CCDC149: variants seen among roughly 807,000 people sequenced by gnomAD.
CCDC149 encodes coiled-coil domain-containing protein 149.
Under a neutral mutation model 59.9 loss-of-function variants are expected in CCDC149, and 45 were observed. The observed-to-expected ratio is 0.75, with a 90% CI of 0.59 to 0.96. CCDC149 has a LOEUF of 0.96. Ranked by LOEUF, CCDC149 falls within the 40% of genes least tolerant of loss-of-function variation. The pLI, the probability that CCDC149 is intolerant of heterozygous loss-of-function variation, is 0.00. For synonymous variants in CCDC149, 245 were observed against 260.6 expected (o/e 0.94, Z 0.58); for missense variants, 584 against 664.7 (o/e 0.88, Z 1.33).
intron 1 of CCDC149, among the ~76,000 whole-genome samples, chr4:24,948,937 C>T (rs999269855): frequency 2.6e-5 from 4 of 152,176 alleles, no homozygotes; most frequent in Non-Finnish European, 5.9e-5. Flanking sequence ...GTAAGATGTA[C>T]CTCTGATCTT....
At chr4:24,939,612 G>T (rs1722894675) in intron 1 of CCDC149, among the ~76,000 whole-genome samples, 1 of 152,138 alleles carries the variant, frequency 6.6e-6, no homozygotes, top group Admixed American at 6.5e-5. Flanking sequence ...AAAGGAGGAA[G>T]TTCAAACCAA....
intron 12 of CCDC149, among the ~76,000 whole-genome samples, chr4:24,813,191 T>A (rs2109090448): frequency 6.6e-6 from 1 of 152,162 alleles, no homozygotes; most frequent in South Asian, 2.1e-4. Context: ...AGGATGGCAA[T>A]ACAGCAAGAA....
intron 1 of CCDC149, among the ~76,000 whole-genome samples, chr4:24,970,330 A>G (rs1723922417): frequency 6.6e-6 from 1 of 152,184 alleles, no homozygotes; most frequent in South Asian, 2.1e-4. Flanking sequence ...TCTGCAGACA[A>G]CTGCACATGG....
chr4:24,814,562 T>A (rs1278929436), intron 12 of CCDC149, among the ~76,000 whole-genome samples: 1 of 152,198 alleles, frequency 6.6e-6, no homozygotes, highest in Non-Finnish European at 1.5e-5. Context: ...TTATTAAACA[T>A]GCAGGGTCTC....
chr4:24,899,612 GA>G (rs1721042869), intron 1 of CCDC149, among the ~76,000 whole-genome samples: 1 of 152,106 alleles, frequency 6.6e-6, no homozygotes. Context: ...GTCGAAAGTG[GA>G]TAAGGGCAAA....
intron 1 of CCDC149, among the ~76,000 whole-genome samples, chr4:24,937,303 G>A (rs1177107187): frequency 1.3e-5 from 2 of 152,178 alleles, no homozygotes; most frequent in Admixed American, 6.5e-5. Context: ...TGGTCATGAC[G>A]AATGTCTTCC....
intron 3 of CCDC149, among the ~76,000 whole-genome samples, chr4:24,870,548 C>T (rs1054031239): frequency 6.6e-6 from 1 of 152,074 alleles, no homozygotes; most frequent in Admixed American, 6.5e-5. Flanking sequence ...AACTTAATGC[C>T]GTATGAAAAG....
intron 1 of CCDC149, among the ~76,000 whole-genome samples, chr4:24,897,269 G>A (rs998205933): frequency 4.6e-5 from 7 of 152,188 alleles, no homozygotes; most frequent in African/African-American, 1.2e-4. Flanking sequence ...GGCAGCATGC[G>A]CTTCAGACAG....
At chr4:24,850,737 A>T (rs1310149905) in intron 4 of CCDC149, among the ~76,000 whole-genome samples, 2 of 152,164 alleles carry the variant, frequency 1.3e-5, no homozygotes, top group Non-Finnish European at 2.9e-5. Flanking sequence ...TTCAAAAAAA[A>T]TTGAAGGTTT....
chr4:24,825,256 C>T (rs1417550891), intron 9 of CCDC149, among the ~76,000 whole-genome samples: 2 of 152,200 alleles, frequency 1.3e-5, no homozygotes, highest in African/African-American at 4.8e-5. Flanking sequence ...CACACAAAAA[C>T]ATACATGGAC....
At chr4:24,888,399 CAG>C (rs1720326829) in intron 1 of CCDC149, among the ~76,000 whole-genome samples, 2 of 152,132 alleles carry the variant, frequency 1.3e-5, no homozygotes, top group African/African-American at 4.8e-5. Flanking sequence ...TACACAAACT[CAG>C]TGTGTAAGGA....
intron 1 of CCDC149, among the ~76,000 whole-genome samples, chr4:24,909,292 C>G (rs1158554553): frequency 1.3e-5 from 2 of 152,086 alleles, no homozygotes; most frequent in Non-Finnish European, 2.9e-5. Context: ...AAATGCAAGC[C>G]CACGAAAATC....
intron 12 of CCDC149, 39 bp from the exon 13 acceptor site, chr4:24,808,858 C>A (rs1419826837): frequency 2.7e-6 from 4 of 1,493,470 alleles, no homozygotes; most frequent in African/African-American, 1.4e-5. Flanking sequence ...CCTCTGGCAG[C>A]AAATCAGCCC....
At chr4:24,826,096 C>T (rs910815880) in intron 9 of CCDC149, among the ~76,000 whole-genome samples, 3 of 151,910 alleles carry the variant, frequency 2.0e-5, no homozygotes, top group Admixed American at 1.3e-4. Flanking sequence ...GCTGGGACTA[C>T]AGGTGTCTGC....
intron 1 of CCDC149, among the ~76,000 whole-genome samples, chr4:24,881,546 GA>G (rs1164842144): frequency 3.3e-5 from 5 of 152,150 alleles, no homozygotes; most frequent in African/African-American, 1.2e-4. Flanking sequence ...GTGTGATCCA[GA>G]AAAAAATTAT....
chr4:24,873,532 C>T (rs1719190772), intron 3 of CCDC149, 149 bp downstream of exon 3: 4 of 678,546 alleles, frequency 5.9e-6, no homozygotes, highest in Non-Finnish European at 1.0e-5. Flanking sequence ...CCGAATTTCT[C>T]TTTGCAGTTG....
chr4:24,919,346 C>T (rs1240985834), intron 1 of CCDC149, among the ~76,000 whole-genome samples: 1 of 152,098 alleles, frequency 6.6e-6, no homozygotes, highest in East Asian at 1.9e-4. Flanking sequence ...AGAGAGACAC[C>T]ACAGAATTGG....
intron 1 of CCDC149, among the ~76,000 whole-genome samples, chr4:24,967,314 A>G (rs2109364973): frequency 6.6e-6 from 1 of 152,240 alleles, no homozygotes. Context: ...AAAAAGCTGG[A>G]GGAGGTGCAG....
At position 24,808,362 on chromosome 4, in the gene CCDC149, T is replaced by C; in HGVS notation, c.*27A>G. 7.0e-7 allele frequency: 1 copy of C among 1,437,398 alleles called. No homozygotes were observed. The highest frequency in any genetic ancestry group is 9.2e-7 in the Non-Finnish European group (1 of 1,092,736). The allele number at this position is 1,437,398 out of a possible 1,614,324, so 89.0% of individuals were successfully genotyped here. On this transcript the variant is annotated 3_prime_UTR_variant, in exon 13 of 13. Coordinates refer to ENST00000635206, the MANE Select transcript of CCDC149 (RefSeq NM_001330643.2). ...TTGACCCTCTCTGGGGCTTTCAATG[T>C]GTCATTGTGTCAGATCCCTCTCCCC...
Sources: gnomAD v4.1 joint callset for allele counts (sites outside exome capture counted in the v4.1 genomes callset) on GRCh38, gnomAD v4.1.1 for gene constraint, MANE v1.5 for transcripts, NCBI Gene and HGNC (gene_info 2026-07-23, HGNC 2026-07-21) for gene names.